Variants in NUDT5 observed in about 807,000 individuals in gnomAD.
NUDT5 encodes nudix hydrolase 5, also known as ADP-sugar pyrophosphatase.
In NUDT5, 21 loss-of-function variants were observed where a neutral mutation model predicts 34.1. The ratio of observed to expected loss-of-function variants is 0.62; its 90% CI spans 0.44 to 0.89. The LOEUF (loss-of-function observed/expected upper bound fraction) is 0.89. Among genes scored for constraint, NUDT5 ranks in the 40% least tolerant of loss-of-function variants. The pLI is 0.00. For missense variants in NUDT5, 249 were observed against 274.8 expected, an observed-to-expected ratio of 0.91 and a Z score of 0.66; for synonymous variants, 85 against 97.6, an observed-to-expected ratio of 0.87 and a Z score of 0.76.
intron 1 of NUDT5, among the ~76,000 whole-genome samples, chr10:12,191,062 A>G (rs746723807): frequency 6.6e-6 from 1 of 152,158 alleles, no homozygotes; most frequent in Non-Finnish European, 1.5e-5. Flanking sequence ...TGTGGTTCTC[A>G]AGCTCCTCCT....
chr10:12,174,104 G>C (rs1275090841), intron 5 of NUDT5, among the ~76,000 whole-genome samples: 6 of 152,076 alleles, frequency 3.9e-5, no homozygotes, highest in African/African-American at 1.4e-4. Context: ...TTGATCTCAT[G>C]ATCCACCCAC....
In NUDT5 at chr10:12,168,494, C is replaced by T. The variant is rs769838259; in HGVS notation, c.551-683G>A. Among the ~76,000 whole-genome samples the T allele has an allele frequency of 3.9e-5, 6 of 152,230 alleles. No homozygotes were observed. Among genetic ancestry groups the T allele is most frequent in the South Asian group, 2.1e-4 (1 of 4,818 alleles). On this transcript the variant is annotated intron_variant, in intron 9 of 9. Transcript: ENST00000491614. This position sits in a 1 kb window ranked among gnomAD's most constrained non-coding sequence, Gnocchi z 4.8. ...CTGCTAGGGGATACATATGTTCCCC[C>T]GGCAAGTTAAACTGTGTGCATGTTA...
In NUDT5 at chr10:12,168,226, A is replaced by C. The variant is rs1264537034; in HGVS notation, c.551-415T>G. Reference sequence around the variant, plus strand: ...TTTTAGTAGAGACGGGGTTTTTGCCATGTTGGCCAGGATGGTTTCGATCTC... The same window carrying C: ...TTTTAGTAGAGACGGGGTTTTTGCCCTGTTGGCCAGGATGGTTTCGATCTC... On this transcript the variant is annotated intron_variant, in intron 9 of 9. Coordinates refer to ENST00000491614, the MANE Select transcript of NUDT5 (RefSeq NM_014142.4). This position sits in a 1 kb window ranked among gnomAD's most constrained non-coding sequence, Gnocchi z 4.8. 6.6e-6 allele frequency among the ~76,000 whole-genome samples: 1 copy of C among 152,030 alleles called. No individual in the cohort carries two copies.
At position 12,173,678 on chromosome 10, in the gene NUDT5, G is replaced by T; in HGVS notation, c.385+40C>A. On this transcript the variant is annotated intron_variant, in intron 6 of 9. Coordinates refer to ENST00000491614, the MANE Select transcript of NUDT5 (RefSeq NM_014142.4). The surrounding 1 kb of genome is among the most constrained non-coding windows in gnomAD (Gnocchi z 4.7). ...CAAATAATCAATCCCTTCCCAGACGGAGGAATCCATCACTTGGTGAATTTT... is the reference window on the plus strand; with the variant it reads ...CAAATAATCAATCCCTTCCCAGACGTAGGAATCCATCACTTGGTGAATTTT... The T allele has an allele frequency of 7.1e-7, 1 of 1,401,498 alleles. No homozygotes were observed. The highest frequency in any genetic ancestry group is 1.0e-6 in the Non-Finnish European group (1 of 986,402). The allele number at this position is 1,401,498 out of a possible 1,614,324, so 86.8% of individuals were successfully genotyped here.
Position 12,172,551 on chromosome 10 carries a change from T to C in NUDT5, c.487+214A>G. 4 of 585,180 alleles carry C rather than the reference T, an allele frequency of 6.8e-6. No individual in the cohort carries two copies. The South Asian group carries it at 8.4e-5, about 12-fold the overall frequency. 36.2% of individuals were successfully genotyped at this position (585,180 alleles called of 1,614,324 possible). ...AACAGGGAAATATGTCATTTAACAT[T>C]TTTTTACAAAGAAAGCGTAAAGATG... On this transcript the variant is annotated intron_variant, in intron 7 of 9. Transcript: ENST00000491614.
In NUDT5 at chr10:12,173,557, A is replaced by G. The variant is rs1834896654; in HGVS notation, c.385+161T>C. Among the ~76,000 whole-genome samples, 1 of 152,184 alleles carries G rather than the reference A, an allele frequency of 6.6e-6. No homozygotes were observed. The highest frequency in any genetic ancestry group is 1.5e-5 in the Non-Finnish European group (1 of 68,020). ...CCCAACTTCAGGCCCTTCTGGCTCCAGTTTCCTCCTGGGAGGGGAGATTCC... is the reference window on the plus strand; with the variant it reads ...CCCAACTTCAGGCCCTTCTGGCTCCGGTTTCCTCCTGGGAGGGGAGATTCC... On this transcript the variant is annotated intron_variant, in intron 6 of 9. Transcript: ENST00000491614. This position sits in a 1 kb window ranked among gnomAD's most constrained non-coding sequence, Gnocchi z 4.7.
At position 12,182,569 on chromosome 10, in the gene NUDT5, T is replaced by G. The variant is rs1835059267; in HGVS notation, c.131+2320A>C. On this transcript the variant is annotated intron_variant, in intron 3 of 9. Coordinates refer to ENST00000491614, the MANE Select transcript of NUDT5 (RefSeq NM_014142.4). The surrounding 1 kb of genome is among the most constrained non-coding windows in gnomAD (Gnocchi z 4.3). ...GCTATAAATATGGTAGTTTGGTGGA[T>G]TTTAGAGCCTACTCCCAATCTACTG... Among the ~76,000 whole-genome samples the G allele has an allele frequency of 6.6e-6, 1 of 152,050 alleles. No individual in the cohort carries two copies. Among genetic ancestry groups the G allele is most frequent in the Non-Finnish European group, 1.5e-5 (1 of 67,998 alleles).
Position 12,173,771 on chromosome 10 carries a change from CG to C in NUDT5, c.331del (p.Arg111GlyfsTer34). On this transcript the variant is annotated frameshift_variant, in exon 6 of 10. Coordinates refer to ENST00000491614, the MANE Select transcript of NUDT5 (RefSeq NM_014142.4). LOFTEE classifies it high-confidence loss of function. The surrounding 1 kb of genome is among the most constrained non-coding windows in gnomAD (Gnocchi z 4.7). ...GTAGCCAGTTTCTTCTTCAAGCTCC[CG>C]GAGAGCAGCTGCTTCTGGGGTTTCA... ...DGETPEAAAL[R>X]ELEEETGYKG... 6.2e-7 allele frequency: 1 copy of C among 1,614,030 alleles called. No individual in the cohort carries two copies. The highest frequency in any genetic ancestry group is 8.5e-7 in the Non-Finnish European group (1 of 1,179,914).
rs1834647947 is a variant in NUDT5 at position 12,165,474 on chromosome 10, A to G, written c.*2228T>C. 1 of 534,114 alleles carries G rather than the reference A, an allele frequency of 1.9e-6. No homozygotes were observed. Among genetic ancestry groups the G allele is most frequent in the Non-Finnish European group, 2.4e-6 (1 of 418,108 alleles). 33.1% of individuals were successfully genotyped at this position (534,114 alleles called of 1,614,324 possible). A position where few individuals can be genotyped will look rare whatever the true frequency, so the allele number is the denominator to read the frequency against. On this transcript the variant is annotated 3_prime_UTR_variant, in exon 10 of 10. Coordinates refer to ENST00000491614, the MANE Select transcript of NUDT5 (RefSeq NM_014142.4). ...GAAGTCCACCCTGAGATGCCTGTAAAAGTCAAATGTAATTACACTTCAAAC... is the reference window on the plus strand; with the variant it reads ...GAAGTCCACCCTGAGATGCCTGTAAGAGTCAAATGTAATTACACTTCAAAC...
Position 12,170,890 on chromosome 10 carries a change from C to T in NUDT5, c.496+10G>A. On this transcript the variant is annotated intron_variant, in intron 8 of 9. Transcript: ENST00000491614. This position sits in a 1 kb window ranked among gnomAD's most constrained non-coding sequence, Gnocchi z 4.9. ...ATACACGCTCGGCCACCAGGAGTTG[C>T]AGAACATACCTCCATCCCCTGGAAA... 1 of 1,613,860 alleles carries T rather than the reference C, an allele frequency of 6.2e-7. No homozygotes were observed. Among genetic ancestry groups the T allele is most frequent in the Non-Finnish European group, 8.5e-7 (1 of 1,179,892 alleles).
chr10:12,188,605 CCT>C (rs1835166692), intron 1 of NUDT5, among the ~76,000 whole-genome samples: 2 of 152,092 alleles, frequency 1.3e-5, no homozygotes, highest in Non-Finnish European at 1.5e-5. Flanking sequence ...GTGGGGTGCG[CCT>C]GTAGCCCCAA....
chr10:12,189,258 A>C (rs1835181347), intron 1 of NUDT5, among the ~76,000 whole-genome samples: 1 of 151,986 alleles, frequency 6.6e-6, no homozygotes, highest in Non-Finnish European at 1.5e-5. Context: ...GGCTCCTACC[A>C]CTGCACCCGG....
rs185836562 is a variant in NUDT5, at chr10:12,167,485, A to G, written c.*217T>C. On this transcript the variant is annotated 3_prime_UTR_variant, in exon 10 of 10. Transcript: ENST00000491614. ...AATTGGAGTAAACATACTTGCATTT[A>G]TATTCTTTGTTAATTTTAGCTGGAG... 5.4e-4 allele frequency: 265 copies of G among 495,220 alleles called. 2 individuals carry two copies. Among genetic ancestry groups the G allele is most frequent in the African/African-American group, 4.9e-3 (244 of 50,240 alleles). 30.7% of individuals were successfully genotyped at this position (495,220 alleles called of 1,614,324 possible).
chr10:12,182,801 G>A lies in NUDT5; in HGVS notation c.131+2088C>T, dbSNP rs1489294856. Reference sequence around the variant, plus strand: ...GCCCAGGCTGGAGTACAGTGGTGCAGTCTCGGCTCACTGCAACCACCTCCT... The same window carrying A: ...GCCCAGGCTGGAGTACAGTGGTGCAATCTCGGCTCACTGCAACCACCTCCT... On this transcript the variant is annotated intron_variant, in intron 3 of 9. Transcript: ENST00000491614. The surrounding 1 kb of genome is among the most constrained non-coding windows in gnomAD (Gnocchi z 4.3). Among the ~76,000 whole-genome samples, 2 of 152,134 alleles carry A rather than the reference G, an allele frequency of 1.3e-5. No individual in the cohort carries two copies. Among genetic ancestry groups the A allele is most frequent in the Admixed American group, 6.5e-5 (1 of 15,270 alleles).
chr10:12,172,896 C>CTG, intron 6 of NUDT5, 30 bp from the exon 7 acceptor site: 1 of 1,494,370 alleles, frequency 6.7e-7, no homozygotes, highest in Non-Finnish European at 9.3e-7. Context: ...TCAGATGCGT[C>CTG]AGTCCCTTTG....
In NUDT5 at chr10:12,167,762, G is replaced by A. The variant is rs148632115; in HGVS notation, c.600C>T (p.Tyr200=). The change falls in exon 10 of 10, where the codon TAC becomes TAT. Residue 200 remains tyrosine, a synonymous_variant. Transcript: ENST00000491614. The part of the protein sequence containing the change: ...HLTVDARVYS[Y]ALALKHANAK... ...CATTTGCATGTTTCAGTGCTAGAGC[G>A]TAGGAATAGACCCTGGCGTCCACTG... 113 of 1,614,038 alleles carry A rather than the reference G, an allele frequency of 7.0e-5. No homozygotes were observed. The highest frequency in any genetic ancestry group is 3.3e-4 in the Middle Eastern group (2 of 6,082).
chr10:12,186,363 A>G, intron 1 of NUDT5, 31 bp from the exon 2 acceptor site: 1 of 1,202,298 alleles, frequency 8.3e-7, no homozygotes, highest in South Asian at 1.2e-5. Context: ...TTCAGGCTAA[A>G]ATTATTTTTC....
In NUDT5 at chr10:12,168,869, TC is replaced by T. The variant is rs1180712259; in HGVS notation, c.551-1059del. Reference sequence around the variant, plus strand: ...CCTGCGCCTCCCGGGTTCAAGCGATTCTCCTGCCCCAGCCTCCTGAGTAGCT... The same window carrying T: ...CCTGCGCCTCCCGGGTTCAAGCGATTTCCTGCCCCAGCCTCCTGAGTAGCT... On this transcript the variant is annotated intron_variant, in intron 9 of 9. Coordinates refer to ENST00000491614, the MANE Select transcript of NUDT5 (RefSeq NM_014142.4). This position sits in a 1 kb window ranked among gnomAD's most constrained non-coding sequence, Gnocchi z 4.8. Among the ~76,000 whole-genome samples, 1 of 152,076 alleles carries T rather than the reference TC, an allele frequency of 6.6e-6. No individual in the cohort carries two copies. The highest frequency in any genetic ancestry group is 1.5e-5 in the Non-Finnish European group (1 of 67,998).
At position 12,173,575 on chromosome 10, in the gene NUDT5, G is replaced by A; in HGVS notation, c.385+143C>T. 1.5e-6 allele frequency: 1 copy of A among 663,730 alleles called. No homozygotes were observed. Among genetic ancestry groups the A allele is most frequent in the Non-Finnish European group, 2.7e-6 (1 of 374,400 alleles). The allele number at this position is 663,730 out of a possible 1,614,324, so 41.1% of individuals were successfully genotyped here. On this transcript the variant is annotated intron_variant, in intron 6 of 9. Transcript: ENST00000491614. The surrounding 1 kb of genome is among the most constrained non-coding windows in gnomAD (Gnocchi z 4.7). ...TGGCTCCAGTTTCCTCCTGGGAGGG[G>A]AGATTCCCTTACACTTGGTGACCAG...
Sources: allele counts gnomAD v4.1 joint callset (sites outside exome capture counted in the v4.1 genomes callset), GRCh38; gene constraint gnomAD v4.1.1; non-coding constraint Gnocchi (gnomAD v3.1); transcripts MANE v1.5; gene names NCBI Gene and HGNC (gene_info 2026-07-23, HGNC 2026-07-21).